The following VPS13A variants were observed in gnomAD, a reference collection of about 807,000 sequenced individuals.
VPS13A encodes intermembrane lipid transfer protein VPS13A.
A neutral mutation model predicts 390.9 loss-of-function variants in VPS13A; 264 were observed. That is an observed-to-expected ratio of 0.68 (90% CI 0.61 to 0.75). VPS13A has a LOEUF of 0.75. Ranked by LOEUF, VPS13A falls within the 30% of genes least tolerant of loss-of-function variation. The pLI is 0.00. For missense variants in VPS13A, 3,409 were observed against 3,733.9 expected, an observed-to-expected ratio of 0.91 and a Z score of 2.27; for synonymous variants, 1,231 against 1,227.1, an observed-to-expected ratio of 1.00 and a Z score of -0.07.
At chr9:77,300,568 C>CA in intron 33 of VPS13A, among the ~76,000 whole-genome samples, 1 of 152,236 alleles carries the variant, frequency 6.6e-6, no homozygotes. Flanking sequence ...CCCATCTCCA[C>CA]AAAAAATACA....
At chr9:77,376,245 G>GT (rs1466602600) in intron 67 of VPS13A, among the ~76,000 whole-genome samples, 1 of 152,168 alleles carries the variant, frequency 6.6e-6, no homozygotes, top group Non-Finnish European at 1.5e-5. Context: ...TGAAGAAGAT[G>GT]TTACCAGGGA....
At chr9:77,393,825 A>G (rs62571467) in intron 68 of VPS13A, among the ~76,000 whole-genome samples, 15,568 of 152,142 alleles carry the variant, frequency 0.1, 823 homozygotes, top group Middle Eastern at 0.13. Context: ...GTAGCCTGCA[A>G]TGGTGCAGTC....
intron 34 of VPS13A, among the ~76,000 whole-genome samples, chr9:77,305,217 C>A (rs998208563): frequency 6.6e-6 from 1 of 152,134 alleles, no homozygotes; most frequent in South Asian, 2.1e-4. Flanking sequence ...GGATTACAGG[C>A]GTGAGCCATC....
chr9:77,292,014 C>G (rs1276446013), intron 31 of VPS13A, among the ~76,000 whole-genome samples: 2 of 152,060 alleles, frequency 1.3e-5, no homozygotes, highest in African/African-American at 4.8e-5. Flanking sequence ...TGTATCTTCA[C>G]CTGTGCCCTG....
Position 77,371,072 on chromosome 9 carries a change from A to G in VPS13A, c.9000A>G (p.Lys3000=). 5 of 1,614,136 alleles carry G rather than the reference A, an allele frequency of 3.1e-6. No individual in the cohort carries two copies. The highest frequency in any genetic ancestry group is 4.2e-6 in the Non-Finnish European group (5 of 1,179,998). The stretch of plus-strand genomic sequence containing the variant: ...CTGGTTTCTTTAAAGGTGTTGGGAA[A>G]GGTTTAGTAGGAGCGGTAGCAAGGC... ...GAAGFFKGVG[K]GLVGAVARPT... The change falls in exon 67 of 72, where the codon AAA becomes AAG. Residue 3000 remains lysine (K), a synonymous_variant. Coordinates refer to ENST00000360280, the MANE Select transcript of VPS13A (RefSeq NM_033305.3).
intron 70 of VPS13A, among the ~76,000 whole-genome samples, 186 bp downstream of exon 70, chr9:77,406,173 A>C (rs1834597161): frequency 5.9e-5 from 9 of 151,590 alleles, no homozygotes; most frequent in Admixed American, 5.9e-4. Flanking sequence ...GCCAAGAAAA[A>C]CTGTGCTTTC....
chr9:77,328,899 C>T (rs1018926240), intron 45 of VPS13A, among the ~76,000 whole-genome samples: 12 of 152,212 alleles, frequency 7.9e-5, no homozygotes, highest in African/African-American at 2.7e-4. Context: ...CATAGTGCAG[C>T]ATGGCTGGAG....
intron 58 of VPS13A, 48 bp from the exon 59 acceptor site, chr9:77,360,488 G>A (rs1189051021): frequency 7.4e-7 from 1 of 1,356,454 alleles, no homozygotes; most frequent in Non-Finnish European, 1.1e-6. Context: ...TTGTAATACA[G>A]TTGTTAATTG....
chr9:77,374,833 C>T (rs189182228), intron 67 of VPS13A, among the ~76,000 whole-genome samples: 1 of 152,174 alleles, frequency 6.6e-6, no homozygotes, highest in Non-Finnish European at 1.5e-5. Context: ...GTTAATTAGA[C>T]CCATCTTAGA....
At chr9:77,359,893 TTTA>T (rs1396645099) in intron 58 of VPS13A, among the ~76,000 whole-genome samples, 2 of 152,112 alleles carry the variant, frequency 1.3e-5, no homozygotes, top group Admixed American at 6.5e-5. Context: ...TTTTGGATAT[TTTA>T]TTATTCTCTT....
chr9:77,297,398 G>C (rs1441103810), intron 33 of VPS13A, among the ~76,000 whole-genome samples: 1 of 151,792 alleles, frequency 6.6e-6, no homozygotes, highest in Non-Finnish European at 1.5e-5. Flanking sequence ...GGGCTTTCCT[G>C]GCCTTCCCCT....
Position 77,405,943 on chromosome 9 carries a change from G to C in VPS13A, c.9355G>C (p.Glu3119Gln). The C allele has an allele frequency of 6.2e-7, 1 of 1,613,936 alleles. No individual in the cohort carries two copies. Among genetic ancestry groups the C allele is most frequent in the South Asian group, 1.1e-5 (1 of 91,080 alleles). The change falls in exon 70 of 72, where the codon GAG becomes CAG. Residue 3119 changes from glutamate (E) to glutamine (Q), a missense_variant. Around this residue, in one of 5 missense-constraint regions of VPS13A, gnomAD observed 318 missense variants for 333.7 expected, o/e 0.95. Coordinates refer to ENST00000360280, the MANE Select transcript of VPS13A (RefSeq NM_033305.3). ...GTATAGTTTTGATGAATTTACCAAA[G>C]AGCCATTCATTGTTCATGGGAGAAG... is the stretch of plus-strand genomic sequence containing the variant. ...WQYSFDEFTKEPFIVHGRRLR... is the reference protein window; with the variant it reads ...WQYSFDEFTKQPFIVHGRRLR...
At chr9:77,267,534 T>A (rs1826104945) in intron 23 of VPS13A, among the ~76,000 whole-genome samples, 1 of 152,202 alleles carries the variant, frequency 6.6e-6, no homozygotes. Flanking sequence ...TTCCTTCCTC[T>A]GGAAGCTTCG....
intron 47 of VPS13A, chr9:77,338,842 T>C (rs1006510365): frequency 6.6e-6 from 1 of 152,356 alleles, no homozygotes; most frequent in African/African-American, 2.4e-5. Flanking sequence ...ATGCTGTTAG[T>C]GATCACATTC....
chr9:77,392,496 T>G (rs1035385794), intron 68 of VPS13A, among the ~76,000 whole-genome samples: 21 of 152,120 alleles, frequency 1.4e-4, no homozygotes, highest in African/African-American at 5.1e-4. Flanking sequence ...AAAAGAGAGA[T>G]AATTGTAGTG....
intron 1 of VPS13A, chr9:77,178,079 C>G (rs1376003039): frequency 5.2e-6 from 2 of 384,034 alleles, no homozygotes; most frequent in Admixed American, 8.1e-5. Flanking sequence ...CCGTGGGCTC[C>G]GTGGGTCTGG....
chr9:77,208,599 G>A (rs1158975583), intron 5 of VPS13A, among the ~76,000 whole-genome samples: 1 of 152,024 alleles, frequency 6.6e-6, no homozygotes, highest in South Asian at 2.1e-4. Context: ...TCCCAGGATG[G>A]AATGCAGTGG....
chr9:77,261,878 C>T (rs1189803533), intron 23 of VPS13A, among the ~76,000 whole-genome samples: 1 of 152,158 alleles, frequency 6.6e-6, no homozygotes, highest in Admixed American at 6.5e-5. Context: ...GCCACTGTGC[C>T]CAGCCCAGAT....
intron 35 of VPS13A, among the ~76,000 whole-genome samples, chr9:77,310,673 A>C (rs758172949): frequency 6.6e-6 from 1 of 152,232 alleles, no homozygotes; most frequent in Non-Finnish European, 1.5e-5. Flanking sequence ...TATGTAAATA[A>C]AAAAGTAAAT....
Sources: allele counts gnomAD v4.1 joint callset (sites outside exome capture counted in the v4.1 genomes callset), GRCh38; gene constraint gnomAD v4.1.1; regional missense constraint gnomAD v4.1.1; transcripts MANE v1.5; gene names NCBI Gene and HGNC (gene_info 2026-07-23, HGNC 2026-07-21).